The following COL21A1 variants were observed in gnomAD, a reference collection of about 807,000 sequenced individuals.
The protein encoded by COL21A1 is collagen type XXI alpha 1 chain.
Under a neutral mutation model 137.9 loss-of-function variants are expected in COL21A1, and 149 were observed. That is an observed-to-expected ratio of 1.08 (90% CI 0.95 to 1.24). The LOEUF (loss-of-function observed/expected upper bound fraction) is 1.24. COL21A1 is among the 50% of genes most tolerant of loss of function. The pLI, the probability that COL21A1 is intolerant of heterozygous loss-of-function variation, is 0.00. For synonymous variants in COL21A1, 456 were observed against 391.5 expected (o/e 1.16, Z -1.95); for missense variants, 1,167 against 1,158.4 (o/e 1.01, Z -0.11).
chr6:56,269,230 C>T (rs909271937), intron 1 of COL21A1, among the ~76,000 whole-genome samples: 1 of 152,098 alleles, frequency 6.6e-6, no homozygotes, highest in Non-Finnish European at 1.5e-5. Context: ...TGCTAGACAG[C>T]TAACATGCCA....
chr6:56,125,984 A>C (rs1773022653), intron 13 of COL21A1, 112 bp downstream of exon 13: 4 of 612,096 alleles, frequency 6.5e-6, no homozygotes, highest in African/African-American at 5.7e-5. Context: ...TGTTTACTTT[A>C]TCTCTAATTA....
intron 7 of COL21A1, among the ~76,000 whole-genome samples, chr6:56,165,633 C>A (rs1582532963): frequency 6.6e-6 from 1 of 152,016 alleles, no homozygotes; most frequent in Admixed American, 6.6e-5. Flanking sequence ...TCTAGAAAAC[C>A]CAGAATAAAT....
At chr6:56,063,365 A>G (rs2114049311) in intron 24 of COL21A1, among the ~76,000 whole-genome samples, 1 of 152,202 alleles carries the variant, frequency 6.6e-6, no homozygotes, top group Non-Finnish European at 1.5e-5. Flanking sequence ...AGGTTAAATG[A>G]AGGGAAGAAG....
At chr6:56,326,001 C>T (rs1284997369) in intron 1 of COL21A1, among the ~76,000 whole-genome samples, 749 of 2,564 alleles carry the variant, frequency 0.29, 164 homozygotes, top group East Asian at 0.74. Flanking sequence ...TATATACATA[C>T]ATATATTATG....
At chr6:56,240,301 G>T (rs1782212400) in intron 1 of COL21A1, among the ~76,000 whole-genome samples, 1 of 152,072 alleles carries the variant, frequency 6.6e-6, no homozygotes, top group Admixed American at 6.6e-5. Flanking sequence ...ACCATGTGAG[G>T]ATGCAGTGTT....
At chr6:56,262,300 T>C (rs1763297897) in intron 1 of COL21A1, among the ~76,000 whole-genome samples, 1 of 152,226 alleles carries the variant, frequency 6.6e-6, no homozygotes, top group African/African-American at 2.4e-5. Context: ...TACTTTCATT[T>C]ACTATTCCCA....
intron 25 of COL21A1, among the ~76,000 whole-genome samples, chr6:56,061,364 G>A (rs550657923): frequency 6.6e-4 from 101 of 152,154 alleles, no homozygotes; most frequent in African/African-American, 2.3e-3. Flanking sequence ...TAGTGGGTCC[G>A]ACAGATACAG....
chr6:56,182,772 G>T, intron 1 of COL21A1, 116 bp from the exon 2 acceptor site: 1 of 584,358 alleles, frequency 1.7e-6, no homozygotes, highest in Non-Finnish European at 3.0e-6. Flanking sequence ...GTGACTATTA[G>T]AATTAACTTA....
chr6:56,147,660 A>ATG (rs1774940135), intron 10 of COL21A1, among the ~76,000 whole-genome samples: 1 of 152,008 alleles, frequency 6.6e-6, no homozygotes, highest in African/African-American at 2.4e-5. Flanking sequence ...GTATATATAT[A>ATG]CATACATGTC....
At chr6:56,259,940 G>C (rs1317643765) in intron 1 of COL21A1, among the ~76,000 whole-genome samples, 1 of 152,114 alleles carries the variant, frequency 6.6e-6, no homozygotes, top group Non-Finnish European at 1.5e-5. Context: ...ATGATATCCC[G>C]GAGTCATTCT....
At position 56,204,160 on chromosome 6, in the gene COL21A1, C is replaced by T. The variant is rs546482778; in HGVS notation, c.-38-21504G>A. Reference sequence around the variant, plus strand: ...ATCGTTCACTCCCCTGGAAAGGGGGCGGAAACCAGGGAGCCAAGTGGTCTA... The same window carrying T: ...ATCGTTCACTCCCCTGGAAAGGGGGTGGAAACCAGGGAGCCAAGTGGTCTA... On this transcript the variant is annotated intron_variant, in intron 1 of 29. Transcript: ENST00000244728. Among the ~76,000 whole-genome samples, 11 of 152,162 alleles carry T rather than the reference C, an allele frequency of 7.2e-5. No individual in the cohort carries two copies. In the East Asian group the frequency reaches 9.7e-4, roughly 13 times the overall value.
intron 1 of COL21A1, among the ~76,000 whole-genome samples, chr6:56,229,226 A>T (rs560771545): frequency 6.6e-5 from 10 of 151,722 alleles, no homozygotes; most frequent in South Asian, 2.1e-4. Context: ...ACAAAAAAAA[A>T]TTTTTTTTAA....
At chr6:56,130,567 A>C (rs1773480963) in intron 12 of COL21A1, among the ~76,000 whole-genome samples, 1 of 152,182 alleles carries the variant, frequency 6.6e-6, no homozygotes, top group African/African-American at 2.4e-5. Context: ...AGGTTATAAA[A>C]GACATAATAT....
At chr6:56,254,972 A>T (rs1925159) in intron 1 of COL21A1, among the ~76,000 whole-genome samples, 36,764 of 152,066 alleles carry the variant, frequency 0.24, 4,717 homozygotes, top group Non-Finnish European at 0.29. Flanking sequence ...TCCAACTCAC[A>T]TTATTTTCCT....
At position 56,304,112 on chromosome 6, in the gene COL21A1, C is replaced by T. The variant is rs1441915002; in HGVS notation, c.-39+89859G>A. 1.5e-4 allele frequency among the ~76,000 whole-genome samples: 23 copies of T among 152,220 alleles called. No homozygotes were observed. In the East Asian group the frequency reaches 2.9e-3, roughly 19 times the overall value. On this transcript the variant is annotated intron_variant, in intron 1 of 28. Transcript: ENST00000370819. ...TGATCATGGTGGATAAGCTTTTTGA[C>T]GTGCTGCTGGATTCGGTTTGTGAAT...
chr6:56,285,632 T>C (rs1172358192), intron 1 of COL21A1, among the ~76,000 whole-genome samples: 2 of 152,208 alleles, frequency 1.3e-5, no homozygotes, highest in African/African-American at 4.8e-5. Flanking sequence ...TTATATTAAA[T>C]TGGTATAGTC....
chr6:56,164,536 A>G (rs1431566272), intron 8 of COL21A1, 30 bp from the exon 9 acceptor site: 1 of 1,457,676 alleles, frequency 6.9e-7, no homozygotes. Flanking sequence ...AACAGACAAC[A>G]AGCATGGAAA....
chr6:56,130,212 A>T (rs200614733), intron 12 of COL21A1, among the ~76,000 whole-genome samples: 848 of 18,926 alleles, frequency 0.045, 15 homozygotes, highest in African/African-American at 0.1. Flanking sequence ...TATATATATA[A>T]AATTTCAAAT....
chr6:56,386,129 A>G (rs1401242470), intron 1 of COL21A1, among the ~76,000 whole-genome samples: 1 of 152,074 alleles, frequency 6.6e-6, no homozygotes, highest in Non-Finnish European at 1.5e-5. Context: ...ATGTATTTTT[A>G]GTAGAGATGG....
Sources: gnomAD v4.1 joint callset for allele counts (sites outside exome capture counted in the v4.1 genomes callset) on GRCh38, gnomAD v4.1.1 for gene constraint, MANE v1.5 for transcripts, NCBI Gene and HGNC (gene_info 2026-07-23, HGNC 2026-07-21) for gene names.